MEIS2: variants seen among roughly 807,000 people sequenced by gnomAD.
The protein encoded by MEIS2 is Meis homeobox 2.
MEIS2 carries 9 observed loss-of-function variants against 58.6 expected under a neutral mutation model. That is an observed-to-expected ratio of 0.15 (90% CI 0.09 to 0.27). MEIS2 has a LOEUF of 0.27. MEIS2 is among the 10% of genes least tolerant of loss of function. The pLI is 1.00. For missense variants in MEIS2, 427 were observed against 635.0 expected, an observed-to-expected ratio of 0.67 and a Z score of 3.52; for synonymous variants, 221 against 228.4, an observed-to-expected ratio of 0.97 and a Z score of 0.29.
intron 9 of MEIS2, among the ~76,000 whole-genome samples, chr15:36,900,196 T>C (rs1323275359): frequency 2.0e-5 from 3 of 152,254 alleles, no homozygotes; most frequent in African/African-American, 4.8e-5. Flanking sequence ...TCTGAGTTTT[T>C]TTACAACTTG....
intron 9 of MEIS2, among the ~76,000 whole-genome samples, chr15:36,899,531 A>G (rs1015096068): frequency 6.6e-6 from 1 of 152,212 alleles, no homozygotes; most frequent in Non-Finnish European, 1.5e-5. Context: ...TCTCAAAATT[A>G]CATGAAATAA....
chr15:37,052,887 C>T (rs1417531507), intron 7 of MEIS2, among the ~76,000 whole-genome samples: 2 of 152,186 alleles, frequency 1.3e-5, no homozygotes, highest in African/African-American at 4.8e-5. Context: ...CATTTTCATA[C>T]CTGATTGTCA....
intron 8 of MEIS2, among the ~76,000 whole-genome samples, chr15:37,006,719 A>G (rs2060936578): frequency 6.6e-6 from 1 of 152,246 alleles, no homozygotes. Flanking sequence ...ACAAAAACTT[A>G]ACTTGCTTCT....
rs1298393072 is a variant in MEIS2 at position 37,098,377 on chromosome 15, G to GGGGA, written c.13-182_13-179dup. 144 of 490,598 alleles carry GGGGA rather than the reference G, an allele frequency of 2.9e-4. 1 individual carries two copies. Among genetic ancestry groups the GGGGA allele is most frequent in the African/African-American group, 1.2e-3 (36 of 30,318 alleles). The allele number at this position is 490,598 out of a possible 1,614,324, so 30.4% of individuals were successfully genotyped here. ...AGGAGGAGGAGGAAAAGGAGGAGAG[G>GGGGA]GGGAGAGAGAGAGAGAGAGAGAGAG... On this transcript the variant is annotated intron_variant, in intron 1 of 11. Transcript: ENST00000561208.
chr15:37,100,973 G>C (rs1895056214), upstream of MEIS2: 1 of 151,844 alleles, frequency 6.6e-6, no homozygotes, highest in Admixed American at 6.6e-5. Context: ...TCTAGCTTTT[G>C]TTCCTTTTAA....
At chr15:36,923,363 G>A (rs1025132523) in intron 9 of MEIS2, among the ~76,000 whole-genome samples, 1 of 149,034 alleles carries the variant, frequency 6.7e-6, no homozygotes, top group Non-Finnish European at 1.5e-5. Context: ...TGTCATATAT[G>A]TTCATTCTGC....
chr15:36,959,222 T>C (rs1172660253), intron 8 of MEIS2, among the ~76,000 whole-genome samples: 1 of 152,202 alleles, frequency 6.6e-6, no homozygotes, highest in African/African-American at 2.4e-5. Flanking sequence ...AACACTCTTA[T>C]GGAACATCTT....
intron 9 of MEIS2, among the ~76,000 whole-genome samples, chr15:36,934,932 T>C (rs2058106980): frequency 6.6e-6 from 1 of 152,186 alleles, no homozygotes; most frequent in African/African-American, 2.4e-5. Flanking sequence ...TTAATATTAT[T>C]CAATTCCTAT....
chr15:37,033,027 G>A (rs1352965258), intron 8 of MEIS2, among the ~76,000 whole-genome samples: 1 of 152,162 alleles, frequency 6.6e-6, no homozygotes, highest in African/African-American at 2.4e-5. Context: ...TGTTTTAACT[G>A]TTACAGTTGG....
chr15:36,937,725 T>C (rs2058227424), intron 9 of MEIS2, among the ~76,000 whole-genome samples: 1 of 152,136 alleles, frequency 6.6e-6, no homozygotes, highest in Non-Finnish European at 1.5e-5. Context: ...TGTTGTTGTT[T>C]TGCTGTGGAC....
At chr15:36,904,547 C>T (rs1261674330) in intron 9 of MEIS2, among the ~76,000 whole-genome samples, 1 of 152,084 alleles carries the variant, frequency 6.6e-6, no homozygotes, top group Non-Finnish European at 1.5e-5. Context: ...ATTTTTGGTG[C>T]CACCAACCTA....
chr15:36,973,900 TG>T (rs2059653387), intron 8 of MEIS2, among the ~76,000 whole-genome samples: 1 of 152,186 alleles, frequency 6.6e-6, no homozygotes, highest in African/African-American at 2.4e-5. Context: ...AGATGATATA[TG>T]CCTTGTTGTC....
chr15:36,966,573 T>C (rs2059365814), intron 8 of MEIS2, among the ~76,000 whole-genome samples: 1 of 152,176 alleles, frequency 6.6e-6, no homozygotes, highest in Non-Finnish European at 1.5e-5. Context: ...GGAAAATTAA[T>C]GGTACCTACC....
At position 37,093,584 on chromosome 15, in the gene MEIS2, G is replaced by T; in HGVS notation, c.636C>A (p.Asp212Glu). The change falls in exon 6 of 12, where the codon GAC becomes GAA. Residue 212 changes from aspartate (D) to glutamate (E), a missense_variant. This residue lies in a region of MEIS2 where 138 missense variants were observed against 263.0 expected (regional missense o/e 0.52). Coordinates refer to ENST00000561208, the MANE Select transcript of MEIS2 (RefSeq NM_170675.5). ...TGCTAAAGGCTAGCAGACTTACATG[G>T]TCAGCGAGATTTGTGGAGGAGCCTG... ...ELSGSSTNLA[D>E]HNPSSWRDHD... 1 of 1,614,106 alleles carries T rather than the reference G, an allele frequency of 6.2e-7. No homozygotes were observed. Among genetic ancestry groups the T allele is most frequent in the South Asian group, 1.1e-5 (1 of 91,080 alleles).
intron 8 of MEIS2, among the ~76,000 whole-genome samples, chr15:37,020,914 C>T (rs2061505538): frequency 6.6e-6 from 1 of 152,058 alleles, no homozygotes; most frequent in Non-Finnish European, 1.5e-5. Context: ...ACCCCAGCCT[C>T]CATATGATAC....
At chr15:36,955,270 A>T (rs535513288) in intron 8 of MEIS2, among the ~76,000 whole-genome samples, 3 of 152,360 alleles carry the variant, frequency 2.0e-5, no homozygotes, top group African/African-American at 4.8e-5. Flanking sequence ...GTAGTGGAGG[A>T]CAATCACCTT....
intron 7 of MEIS2, among the ~76,000 whole-genome samples, chr15:37,064,661 T>C (rs1889684119): frequency 6.6e-6 from 1 of 152,158 alleles, no homozygotes; most frequent in South Asian, 2.1e-4. Flanking sequence ...CCATCGACAT[T>C]GTCCTAGAAC....
In MEIS2 at chr15:37,059,703, G is replaced by A. The variant is rs768018777; in HGVS notation, c.755-22744C>T. On this transcript the variant is annotated intron_variant, in intron 7 of 11. Transcript: ENST00000561208. ...TGTGATCCCAGCACTTCGGAAGGCT[G>A]AGGTGGGTGAATCAGTTGAGGCCAG... Among the ~76,000 whole-genome samples the A allele has an allele frequency of 4.1e-4, 63 of 152,034 alleles. No individual in the cohort carries two copies. In the Middle Eastern group the frequency reaches 0.014, roughly 33 times the overall value.
At chr15:37,035,228 C>A (rs141508614) in intron 8 of MEIS2, among the ~76,000 whole-genome samples, 3 of 152,286 alleles carry the variant, frequency 2.0e-5, no homozygotes, top group Non-Finnish European at 4.4e-5. Context: ...AACCCCTCCC[C>A]TCACAGTCAC....
Sources: allele counts gnomAD v4.1 joint callset (sites outside exome capture counted in the v4.1 genomes callset), GRCh38; gene constraint gnomAD v4.1.1; regional missense constraint gnomAD v4.1.1; transcripts MANE v1.5; gene names NCBI Gene and HGNC (gene_info 2026-07-23, HGNC 2026-07-21).